Variants in SRGAP2 observed in about 807,000 individuals in gnomAD.
SRGAP2 encodes SLIT-ROBO Rho GTPase activating protein 2.
In SRGAP2, 15 loss-of-function variants were observed where a neutral mutation model predicts 57.2. The ratio of observed to expected loss-of-function variants is 0.26; its 90% CI spans 0.18 to 0.40. The LOEUF (loss-of-function observed/expected upper bound fraction) is 0.40. SRGAP2 is among the 10% of genes least tolerant of loss of function. The pLI, the probability that SRGAP2 is intolerant of heterozygous loss-of-function variation, is 1.00. For synonymous variants in SRGAP2, 249 were observed against 248.0 expected, an observed-to-expected ratio of 1.00 and a Z score of -0.04; for missense variants, 520 against 669.6, an observed-to-expected ratio of 0.78 and a Z score of 2.47.
At chr1:206,419,442 T>C (rs782131790) in intron 12 of SRGAP2, 42 bp downstream of exon 12, 6 of 780,338 alleles carry the variant, frequency 7.7e-6, no homozygotes, top group South Asian at 1.3e-5. Context: ...GATAGAGGCT[T>C]GGTGGGTAGA....
At chr1:206,387,326 TAATTGGTC>T (rs1656405471) in intron 5 of SRGAP2, among the ~76,000 whole-genome samples, 1 of 149,378 alleles carries the variant, frequency 6.7e-6, no homozygotes, top group Non-Finnish European at 1.5e-5. Context: ...TAAAAAGGGT[TAATTGGTC>T]ACCTTGCATG....
chr1:206,291,900 G>A (rs1471131426), intron 2 of SRGAP2, among the ~76,000 whole-genome samples: 41 of 149,208 alleles, frequency 2.7e-4, no homozygotes, highest in African/African-American at 1.0e-3. Flanking sequence ...ATTGGAATAA[G>A]TTTTGTCAAG....
At chr1:206,279,961 C>T (rs1257545302) in intron 2 of SRGAP2, among the ~76,000 whole-genome samples, 1 of 150,382 alleles carries the variant, frequency 6.6e-6, no homozygotes, top group Non-Finnish European at 1.5e-5. Context: ...GTTCTTTTGG[C>T]CTAGTTGAAT....
At position 206,214,226 on chromosome 1, in the gene SRGAP2, C is replaced by T. The variant is rs1553302915; in HGVS notation, c.67+8189C>T. ...GAGGACTGGAAGCCTAACTTGACTG[C>T]TTACCATTCTTTAAACACATAGACT... On this transcript the variant is annotated intron_variant, in intron 2 of 22. Transcript: ENST00000573034. Among the ~76,000 whole-genome samples the T allele has an allele frequency of 2.0e-5, 3 of 152,278 alleles. No individual in the cohort carries two copies. The South Asian group carries it at 6.2e-4, about 32-fold the overall frequency.
At chr1:206,445,381 A>T (rs1392016164) in intron 17 of SRGAP2, among the ~76,000 whole-genome samples, 1 of 152,262 alleles carries the variant, frequency 6.6e-6, no homozygotes, top group Non-Finnish European at 1.5e-5. Flanking sequence ...GTCAGCCTGC[A>T]TCCAGAGGAA....
intron 3 of SRGAP2, among the ~76,000 whole-genome samples, chr1:206,332,797 C>A (rs1471819924): frequency 2.0e-5 from 3 of 151,944 alleles, no homozygotes; most frequent in Non-Finnish European, 4.4e-5. Flanking sequence ...CTGAAGCCTT[C>A]TTCTCTCAGC....
At chr1:206,244,999 C>T (rs1292025001) in intron 2 of SRGAP2, among the ~76,000 whole-genome samples, 4 of 146,770 alleles carry the variant, frequency 2.7e-5, no homozygotes, top group Non-Finnish European at 6.0e-5. Context: ...TCAAGATCCC[C>T]ATTACTTTTC....
intron 4 of SRGAP2, among the ~76,000 whole-genome samples, chr1:206,347,272 A>C (rs1553337103): frequency 6.6e-6 from 1 of 151,760 alleles, no homozygotes. Context: ...AAAAAACAAC[A>C]AAAAAACAAA....
At chr1:206,397,126 T>A (rs1406499011) in intron 7 of SRGAP2, among the ~76,000 whole-genome samples, 1 of 151,972 alleles carries the variant, frequency 6.6e-6, no homozygotes, top group African/African-American at 2.4e-5. Flanking sequence ...GCAACCACTG[T>A]TATGATTTCT....
At chr1:206,414,850 G>T (rs782728621) in intron 10 of SRGAP2, among the ~76,000 whole-genome samples, 11 of 152,208 alleles carry the variant, frequency 7.2e-5, no homozygotes, top group Non-Finnish European at 1.6e-4. Flanking sequence ...AATATGCGGT[G>T]AAGTGCTCTA....
intron 2 of SRGAP2, among the ~76,000 whole-genome samples, chr1:206,284,256 T>A (rs1278524263): frequency 6.8e-6 from 1 of 147,430 alleles, no homozygotes; most frequent in African/African-American, 2.5e-5. Flanking sequence ...TATGGTTATC[T>A]CTATATCTTA....
At chr1:206,283,901 G>C (rs1262385649) in intron 2 of SRGAP2, among the ~76,000 whole-genome samples, 1 of 135,056 alleles carries the variant, frequency 7.4e-6, no homozygotes, top group Non-Finnish European at 1.6e-5. Flanking sequence ...TTTAATAGGT[G>C]ATATACACTA....
At chr1:206,414,183 C>G (rs1317556038) in intron 10 of SRGAP2, among the ~76,000 whole-genome samples, 1 of 151,938 alleles carries the variant, frequency 6.6e-6, no homozygotes, top group Non-Finnish European at 1.5e-5. Flanking sequence ...AGGCACTCAC[C>G]ACCACCATGC....
chr1:206,460,991 A>G, intron 22 of SRGAP2, 46 bp from the exon 23 acceptor site: 1 of 663,028 alleles, frequency 1.5e-6, no homozygotes, highest in Non-Finnish European at 2.7e-6. Context: ...TCCTTGGGGA[A>G]TTCTCCCCTC....
intron 2 of SRGAP2, among the ~76,000 whole-genome samples, chr1:206,279,581 A>ATTT (rs1165950488): frequency 1.2e-5 from 1 of 86,610 alleles, no homozygotes; most frequent in South Asian, 4.7e-4. Flanking sequence ...ACACCTGGCT[A>ATTT]TTTTTTTTTT....
chr1:206,277,768 T>G (rs1461700690), intron 2 of SRGAP2, among the ~76,000 whole-genome samples: 1 of 152,228 alleles, frequency 6.6e-6, no homozygotes, highest in African/African-American at 2.4e-5. Context: ...TCAGGAGTTC[T>G]AGACCAACCT....
intron 2 of SRGAP2, among the ~76,000 whole-genome samples, chr1:206,301,351 C>G (rs1225915419): frequency 6.6e-6 from 1 of 151,788 alleles, no homozygotes; most frequent in Non-Finnish European, 1.5e-5. Flanking sequence ...TCTTACTGAA[C>G]GGATGGAATT....
At chr1:206,244,370 T>G (rs1668415566) in intron 2 of SRGAP2, among the ~76,000 whole-genome samples, 1 of 91,460 alleles carries the variant, frequency 1.1e-5, no homozygotes. Context: ...TTCAAGTGAT[T>G]CTCCTGCCTC....
chr1:206,453,372 C>G lies in SRGAP2; in HGVS notation c.2352C>G (p.Val784=). ...DGLIPHQYIV[V]QDTEDGVVER... is the part of the protein sequence containing the mutation. ...TCATCCCCCATCAGTACATCGTGGT[C>G]CAAGACACGTACGTTGGGCCCATGG... The change falls in exon 20 of 23, where the codon GTC becomes GTG. Residue 784 remains valine (V), a synonymous_variant. Transcript: ENST00000573034. 2 of 687,642 alleles carry G rather than the reference C, an allele frequency of 2.9e-6. No homozygotes were observed. Among genetic ancestry groups the G allele is most frequent in the South Asian group, 1.6e-5 (1 of 63,186 alleles). The allele number at this position is 687,642 out of a possible 1,614,324, so 42.6% of individuals were successfully genotyped here.
Sources: allele counts gnomAD v4.1 joint callset (sites outside exome capture counted in the v4.1 genomes callset), GRCh38; gene constraint gnomAD v4.1.1; transcripts MANE v1.5; gene names NCBI Gene and HGNC (gene_info 2026-07-23, HGNC 2026-07-21).